Variants in CCNK observed in about 807,000 individuals in gnomAD.
The protein encoded by CCNK is cyclin-K.
In CCNK, 9 loss-of-function variants were observed where a neutral mutation model predicts 65.0. The ratio of observed to expected loss-of-function variants is 0.14; its 90% confidence interval spans 0.08 to 0.24. The LOEUF is 0.24. Among genes scored for constraint, CCNK ranks in the 10% least tolerant of loss-of-function variants. CCNK has a pLI of 1.00. For missense variants in CCNK, 474 were observed against 720.0 expected, an observed-to-expected ratio of 0.66 and a Z score of 3.91; for synonymous variants, 279 against 270.8, an observed-to-expected ratio of 1.03 and a Z score of -0.30.
At chr14:99,500,917 T>C (rs148603851) in intron 5 of CCNK, 46 bp downstream of exon 5, 328 of 1,186,074 alleles carry the variant, frequency 2.8e-4, no homozygotes, top group Admixed American at 8.8e-4. Flanking sequence ...TGAAATCAAG[T>C]CTTTATAATT....
chr14:99,492,093 C>T (rs1294281437), intron 1 of CCNK: 1 of 152,282 alleles, frequency 6.6e-6, no homozygotes, highest in African/African-American at 2.4e-5. Flanking sequence ...TGGTTTACAT[C>T]AGTGAATTCA....
chr14:99,502,138 C>T, intron 6 of CCNK, 69 bp from the exon 7 acceptor site: 5 of 1,463,336 alleles, frequency 3.4e-6, no homozygotes, highest in Non-Finnish European at 4.5e-6. Context: ...GTTATGGCAT[C>T]TCCATGCACT....
At chr14:99,496,930 C>CTTTT (rs146560564) in intron 4 of CCNK, among the ~76,000 whole-genome samples, 1 of 129,760 alleles carries the variant, frequency 7.7e-6, no homozygotes, top group Admixed American at 8.2e-5. Flanking sequence ...AAAAAAAATG[C>CTTTT]TTTTTTTTTT....
At chr14:99,491,465 A>G (rs1896596341) in intron 1 of CCNK, among the ~76,000 whole-genome samples, 1 of 152,232 alleles carries the variant, frequency 6.6e-6, no homozygotes, top group South Asian at 2.1e-4. Context: ...GTGATGTCTG[A>G]TTATGAACAG....
intron 7 of CCNK, 57 bp downstream of exon 7, chr14:99,502,433 A>G (rs1250325714): frequency 6.4e-7 from 1 of 1,574,398 alleles, no homozygotes; most frequent in Non-Finnish European, 8.6e-7. Flanking sequence ...TGATTCTTCC[A>G]TGTGTACCCT....
At position 99,507,140 on chromosome 14, in the gene CCNK, A is replaced by C. The variant is rs1195644548; in HGVS notation, c.1110A>C (p.Pro370=). The change falls in exon 10 of 11, where the codon CCA becomes CCC. Residue 370 remains proline (P), a synonymous_variant. Coordinates refer to ENST00000389879, the MANE Select transcript of CCNK (RefSeq NM_001099402.2). ...TTHPPLPPAH[P]PPDRKPPLAA... is the part of the protein sequence containing the mutation. The stretch of plus-strand genomic sequence containing the variant: ...ATCCACCGTTGCCTCCAGCCCACCC[A>C]CCTCCAGGTAAGCATCTGCTGAAGC... 3 of 1,601,102 alleles carry C rather than the reference A, an allele frequency of 1.9e-6. No individual in the cohort carries two copies. Among genetic ancestry groups the C allele is most frequent in the Non-Finnish European group, 2.6e-6 (3 of 1,168,384 alleles).
At position 99,492,842 on chromosome 14, in the gene CCNK, G is replaced by T; in HGVS notation, c.165G>T (p.Arg55=). The stretch of plus-strand genomic sequence containing the variant: ...CCCGGTACCGCCGAGAGGGCGCTCG[G>T]TTCATCTTTGATGTGGGCACACGTT... The part of the protein sequence containing the change: ...TEARYRREGA[R]FIFDVGTRLG... The change falls in exon 2 of 11, where the codon CGG becomes CGT. Residue 55 remains arginine (R), a synonymous_variant. Transcript: ENST00000389879. 3 of 1,606,120 alleles carry T rather than the reference G, an allele frequency of 1.9e-6. No homozygotes were observed. The highest frequency in any genetic ancestry group is 2.5e-6 in the Non-Finnish European group (3 of 1,177,944).
rs1897108927 is a variant in CCNK at position 99,510,707 on chromosome 14, T to C, written c.1668T>C (p.Pro556=). 2.2e-6 allele frequency: 3 copies of C among 1,349,694 alleles called. No individual in the cohort carries two copies. The highest frequency in any genetic ancestry group is 3.6e-5 in the South Asian group (2 of 55,204). 83.6% of individuals were successfully genotyped at this position (1,349,694 alleles called of 1,614,324 possible). The change falls in exon 11 of 11, where the codon CCT becomes CCC. Residue 556 remains proline, a synonymous_variant. Coordinates refer to ENST00000389879, the MANE Select transcript of CCNK (RefSeq NM_001099402.2). ...PPPAVPPGGQ[P]PVPPPIPPPG... ...CTGCCGTCCCCCCTGGAGGACAGCCTCCTGTGCCCCCGCCCATTCCCCCAC... is the reference window on the plus strand; with the variant it reads ...CTGCCGTCCCCCCTGGAGGACAGCCCCCTGTGCCCCCGCCCATTCCCCCAC...
At chr14:99,489,023 G>A (rs1462428417) in intron 1 of CCNK, among the ~76,000 whole-genome samples, 1 of 151,444 alleles carries the variant, frequency 6.6e-6, no homozygotes, top group Non-Finnish European at 1.5e-5. Context: ...AGACTGGAAA[G>A]AAACCTGCTT....
At chr14:99,502,576 T>TTGGGGTG in intron 7 of CCNK, 143 bp from the exon 8 acceptor site, 1 of 1,205,096 alleles carries the variant, frequency 8.3e-7, no homozygotes, top group Non-Finnish European at 1.2e-6. Flanking sequence ...CACACCAGTG[T>TTGGGGTG]TGCACACAAC....
intron 8 of CCNK, 102 bp from the exon 9 acceptor site, chr14:99,503,509 C>T: frequency 1.0e-6 from 1 of 993,422 alleles, no homozygotes; most frequent in Non-Finnish European, 1.5e-6. Flanking sequence ...AGGCTGTTCA[C>T]AGTGACTGCC....
At position 99,502,903 on chromosome 14, in the gene CCNK, A is replaced by G; in HGVS notation, c.930A>G (p.Pro310=). Residue 310 remains proline (P), a synonymous_variant, in exon 8 of 11, where the codon CCA becomes CCG. Coordinates refer to ENST00000389879, the MANE Select transcript of CCNK (RefSeq NM_001099402.2). ...SQPQQKDPQQ[P]AQQQQPAQQP... ...CCCAGCAGAAGGACCCCCAGCAACC[A>G]GCCCAGCAGCAGCAGCCAGCCCAAC... The G allele has an allele frequency of 6.2e-7, 1 of 1,613,636 alleles. No homozygotes were observed. The highest frequency in any genetic ancestry group is 8.5e-7 in the Non-Finnish European group (1 of 1,179,720).
At chr14:99,488,719 G>T (rs1019196809) in intron 1 of CCNK, among the ~76,000 whole-genome samples, 29 of 152,142 alleles carry the variant, frequency 1.9e-4, no homozygotes, top group Admixed American at 1.8e-3. Flanking sequence ...TAGCAAAGTC[G>T]CATTTATTAT....
intron 10 of CCNK, chr14:99,508,923 C>T (rs1897042923): frequency 6.6e-6 from 1 of 152,242 alleles, no homozygotes; most frequent in African/African-American, 2.4e-5. Context: ...TTAGTCAGCT[C>T]CTAGAACCAC....
intron 1 of CCNK, among the ~76,000 whole-genome samples, chr14:99,483,999 C>G (rs10145006): frequency 0.5 from 75,934 of 152,070 alleles, 19,556 homozygotes; most frequent in Non-Finnish European, 0.58. Context: ...TAGGCCAGAA[C>G]TGGCCAGATA....
chr14:99,499,456 T>C (rs560311347), intron 4 of CCNK, among the ~76,000 whole-genome samples: 10 of 152,238 alleles, frequency 6.6e-5, no homozygotes, highest in Non-Finnish European at 4.4e-5. Flanking sequence ...ATAATAATTA[T>C]AGAATCATCT....
chr14:99,510,782 AC>A lies in CCNK; in HGVS notation c.*1del. 1 of 1,429,022 alleles carries A rather than the reference AC, an allele frequency of 7.0e-7. No individual in the cohort carries two copies. The highest frequency in any genetic ancestry group is 9.2e-7 in the Non-Finnish European group (1 of 1,091,918). 88.5% of individuals were successfully genotyped at this position (1,429,022 alleles called of 1,614,324 possible). ...TGGGGCGGGCAGCCTGGATGAGATA[AC>A]GTGAGCCTTTTTTCCCTCTTTGTTT... On this transcript the variant is annotated 3_prime_UTR_variant, in exon 11 of 11. Coordinates refer to ENST00000389879, the MANE Select transcript of CCNK (RefSeq NM_001099402.2).
intron 2 of CCNK, chr14:99,493,130 C>T (rs768228869): frequency 2.1e-4 from 100 of 479,758 alleles, no homozygotes; most frequent in Middle Eastern, 5.2e-4. Context: ...AGGCTGGGCA[C>T]AGTGGCTCAT....
At chr14:99,503,218 GT>G (rs1896884405) in intron 8 of CCNK, 3 of 680,128 alleles carry the variant, frequency 4.4e-6, no homozygotes, top group Non-Finnish European at 8.0e-6. Context: ...CCTGCTGCCT[GT>G]TTCATCCCTG....
Sources: allele counts gnomAD v4.1 joint callset (sites outside exome capture counted in the v4.1 genomes callset), GRCh38; gene constraint gnomAD v4.1.1; transcripts MANE v1.5; gene names NCBI Gene and HGNC (gene_info 2026-07-23, HGNC 2026-07-21).